PALS2: variants seen among roughly 807,000 people sequenced by gnomAD.
The protein encoded by PALS2 is protein associated with LIN7 2, MAGUK p55 family member.
In PALS2, 27 loss-of-function variants were observed where a neutral mutation model predicts 61.6. The observed-to-expected ratio is 0.44, with a 90% CI of 0.32 to 0.60. PALS2 has a LOEUF of 0.60. PALS2 is among the 20% of genes least tolerant of loss of function. The probability of loss-of-function intolerance (pLI) is 0.05; values close to 1 mark genes in which losing one functional copy is unlikely to be tolerated. For synonymous variants in PALS2, 236 were observed against 218.6 expected (o/e 1.08, Z -0.70); for missense variants, 554 against 639.4 (o/e 0.87, Z 1.44).
At chr7:24,647,101 G>A (rs1298572931) in intron 3 of PALS2, among the ~76,000 whole-genome samples, 2 of 150,036 alleles carry the variant, frequency 1.3e-5, no homozygotes, top group East Asian at 3.9e-4. Flanking sequence ...CCCAACTCCT[G>A]GATTCTGATT....
At chr7:24,647,557 T>C (rs976806226) in intron 3 of PALS2, among the ~76,000 whole-genome samples, 2 of 152,180 alleles carry the variant, frequency 1.3e-5, no homozygotes, top group African/African-American at 4.8e-5. Flanking sequence ...TAAATCAGAA[T>C]TTTCATTAGA....
intron 9 of PALS2, among the ~76,000 whole-genome samples, chr7:24,677,577 A>G (rs1041916545): frequency 1.3e-5 from 2 of 152,108 alleles, no homozygotes; most frequent in African/African-American, 4.8e-5. Flanking sequence ...AGTTTTTAGC[A>G]TGAAGGGCTG....
At chr7:24,610,337 A>G (rs1293525354) in intron 1 of PALS2, among the ~76,000 whole-genome samples, 4 of 152,094 alleles carry the variant, frequency 2.6e-5, no homozygotes, top group African/African-American at 9.7e-5. Context: ...CTTTATGATG[A>G]TCTTATCACC....
Position 24,693,398 on chromosome 7 carries a change from T to C in PALS2, c.*5784T>C, listed in dbSNP as rs1485035767. 1 of 152,152 alleles carries C rather than the reference T, an allele frequency of 6.6e-6. No homozygotes were observed. Among genetic ancestry groups the C allele is most frequent in the Non-Finnish European group, 1.5e-5 (1 of 68,002 alleles). The allele number at this position is 152,152 out of a possible 1,614,324, so 9.4% of individuals were successfully genotyped here. A position where few individuals can be genotyped will look rare whatever the true frequency, so the allele number is the denominator to read the frequency against. On this transcript the variant is annotated 3_prime_UTR_variant, in exon 12 of 12. Coordinates refer to ENST00000222644, the MANE Select transcript of PALS2 (RefSeq NM_001303037.2). Reference sequence around the variant, plus strand: ...GGAGCTTGGAGGAAGCCTAATTAACTAAAACAGGAAAAAAGCATACTCATC... The same window carrying C: ...GGAGCTTGGAGGAAGCCTAATTAACCAAAACAGGAAAAAAGCATACTCATC...
At chr7:24,686,674 T>C (rs1788220236) in intron 11 of PALS2, among the ~76,000 whole-genome samples, 2 of 152,210 alleles carry the variant, frequency 1.3e-5, no homozygotes. Context: ...CACTAAAGGA[T>C]AGGAACCCTC....
At chr7:24,669,586 C>A (rs1787198277) in intron 9 of PALS2, among the ~76,000 whole-genome samples, 1 of 152,132 alleles carries the variant, frequency 6.6e-6, no homozygotes, top group Non-Finnish European at 1.5e-5. Context: ...ATATTAATGC[C>A]TTTAAGCTAT....
chr7:24,635,464 G>C (rs1161506462), intron 2 of PALS2, among the ~76,000 whole-genome samples: 1 of 151,920 alleles, frequency 6.6e-6, no homozygotes, highest in African/African-American at 2.4e-5. Context: ...AACTCCTTAG[G>C]ATTTTCTAAA....
At chr7:24,684,371 A>T (rs542243303) in intron 11 of PALS2, among the ~76,000 whole-genome samples, 7 of 152,292 alleles carry the variant, frequency 4.6e-5, no homozygotes, top group African/African-American at 1.7e-4. Flanking sequence ...TAGGTCAGTT[A>T]TTCTTTTTTA....
intron 1 of PALS2, among the ~76,000 whole-genome samples, chr7:24,587,393 T>G (rs1002777621): frequency 1.3e-5 from 2 of 151,976 alleles, no homozygotes; most frequent in Non-Finnish European, 2.9e-5. Flanking sequence ...TTTAAAAAAT[T>G]TTTTTAGACA....
chr7:24,609,396 G>A (rs551662309), intron 1 of PALS2, among the ~76,000 whole-genome samples: 39 of 152,212 alleles, frequency 2.6e-4, no homozygotes, highest in Non-Finnish European at 3.5e-4. Flanking sequence ...ACTAAATTAA[G>A]AAGGAAGAGT....
intron 9 of PALS2, among the ~76,000 whole-genome samples, chr7:24,677,584 G>A (rs1424113616): frequency 6.6e-6 from 1 of 152,102 alleles, no homozygotes; most frequent in South Asian, 2.1e-4. Context: ...AGCATGAAGG[G>A]CTGTTGAATT....
Position 24,692,267 on chromosome 7 carries a change from T to C in PALS2, c.*4653T>C, listed in dbSNP as rs1215412465. 6.6e-6 allele frequency: 1 copy of C among 152,168 alleles called. No individual in the cohort carries two copies. The highest frequency in any genetic ancestry group is 1.5e-5 in the Non-Finnish European group (1 of 68,018). The allele number at this position is 152,168 out of a possible 1,614,324, so 9.4% of individuals were successfully genotyped here. A position where few individuals can be genotyped will look rare whatever the true frequency, so the allele number is the denominator to read the frequency against. On this transcript the variant is annotated 3_prime_UTR_variant, in exon 12 of 12. Coordinates refer to ENST00000222644, the MANE Select transcript of PALS2 (RefSeq NM_001303037.2). ...CTGCAGTACTTTTTAAAAAATATTC[T>C]CTAGTGATAAAAGTAAAGACAGGGT... is the stretch of plus-strand genomic sequence containing the variant.
At position 24,655,630 on chromosome 7, in the gene PALS2, ATTT is replaced by A. The variant is rs770410952; in HGVS notation, c.651+4940_651+4942del. ...TTTGGCCTAGGTTAGTAGTTAGTAG[ATTT>A]TTTTTTTTTTTTTTTTTTTTTGAGA... On this transcript the variant is annotated intron_variant, in intron 5 of 11. Transcript: ENST00000222644. 8.4e-3 allele frequency among the ~76,000 whole-genome samples: 813 copies of A among 96,898 alleles called. 4 individuals carry two copies. Among genetic ancestry groups the A allele is most frequent in the African/African-American group, 0.03 (754 of 24,750 alleles). The allele number at this position is 96,898 out of a possible 152,430, so 63.6% of individuals were successfully genotyped here.
intron 5 of PALS2, among the ~76,000 whole-genome samples, chr7:24,658,005 CA>C (rs56936559): frequency 0.21 from 32,007 of 151,992 alleles, 3,870 homozygotes; most frequent in African/African-American, 0.34. Flanking sequence ...TTTCTTCAGA[CA>C]TTTTTTTCTA....
At position 24,679,249 on chromosome 7, in the gene PALS2, A is replaced by G. The variant is rs1161757421; in HGVS notation, c.1233A>G (p.Glu411=). Residue 411 remains glutamate (E), a synonymous_variant, in exon 10 of 12, where the codon GAA becomes GAG. Coordinates refer to ENST00000222644, the MANE Select transcript of PALS2 (RefSeq NM_001303037.2). ...AGKYLEHGEY[E]GNLYGTKIDS... ...AGTATTTGGAACATGGGGAATATGA[A>G]GGAAATCTCTATGGAACCAAAATTG... 2 of 1,614,072 alleles carry G rather than the reference A, an allele frequency of 1.2e-6. No homozygotes were observed. Among genetic ancestry groups the G allele is most frequent in the East Asian group, 2.2e-5 (1 of 44,880 alleles).
chr7:24,608,123 G>GT (rs1783989932), intron 1 of PALS2, among the ~76,000 whole-genome samples: 1 of 151,802 alleles, frequency 6.6e-6, no homozygotes, highest in Admixed American at 6.6e-5. Context: ...ATATGTAAAG[G>GT]TTTTTTTACT....
intron 1 of PALS2, among the ~76,000 whole-genome samples, chr7:24,604,639 A>C (rs1030922370): frequency 1.3e-5 from 2 of 152,202 alleles, no homozygotes; most frequent in African/African-American, 4.8e-5. Context: ...ACTTAAAAAG[A>C]ATTTCAGTAA....
chr7:24,584,642 G>C lies in PALS2; in HGVS notation c.-3+11049G>C, dbSNP rs767944257. Among the ~76,000 whole-genome samples the C allele has an allele frequency of 6.5e-3, 980 of 151,770 alleles. 5 individuals carry two copies. Among genetic ancestry groups the C allele is most frequent in the Non-Finnish European group, 0.011 (739 of 67,924 alleles). On this transcript the variant is annotated intron_variant, in intron 1 of 11. Transcript: ENST00000222644. ...GTTCACTCTGATGGTAGTTTATTTT[G>C]CTGTGCAGAAGCTCTTTAGTTTAAT...
chr7:24,590,349 A>G (rs144138662), intron 1 of PALS2, among the ~76,000 whole-genome samples: 47 of 152,122 alleles, frequency 3.1e-4, no homozygotes, highest in African/African-American at 9.6e-4. Flanking sequence ...ATTGGAGGAA[A>G]TTCTGTGCAG....
Sources: allele counts gnomAD v4.1 joint callset (sites outside exome capture counted in the v4.1 genomes callset), GRCh38; gene constraint gnomAD v4.1.1; transcripts MANE v1.5; gene names NCBI Gene and HGNC (gene_info 2026-07-23, HGNC 2026-07-21).